The following SLC28A2 variants were observed in gnomAD, a reference collection of about 807,000 sequenced individuals.
SLC28A2 encodes sodium/nucleoside cotransporter 2.
SLC28A2 carries 69 observed loss-of-function variants against 72.9 expected under a neutral mutation model. That is an observed-to-expected ratio of 0.95 (90% CI 0.78 to 1.16). SLC28A2 has a LOEUF of 1.16. Among genes scored for constraint, SLC28A2 ranks in the 50% most tolerant of loss-of-function variants. The pLI is 0.00. For missense variants in SLC28A2, 745 were observed against 791.1 expected (o/e 0.94, Z 0.70); for synonymous variants, 296 against 294.1 (o/e 1.01, Z -0.07).
chr15:45,254,662 A>G (rs1264160382), intron 3 of SLC28A2, among the ~76,000 whole-genome samples: 1 of 152,230 alleles, frequency 6.6e-6, no homozygotes, highest in African/African-American at 2.4e-5. Context: ...ACATGACTAT[A>G]TATGGAGATG....
Position 45,265,682 on chromosome 15 carries a change from C to T in SLC28A2, c.861+19C>T. 4 of 1,540,782 alleles carry T rather than the reference C, an allele frequency of 2.6e-6. No individual in the cohort carries two copies. The highest frequency in any genetic ancestry group is 3.6e-6 in the Non-Finnish European group (4 of 1,113,158). On this transcript the variant is annotated intron_variant, in intron 9 of 17. Transcript: ENST00000347644. ...TCAGAAGGTGAGTCGTTCTCTTACA[C>T]CAGTCAGGAGACAGGCCTTCATCCT...
At position 45,267,499 on chromosome 15, in the gene SLC28A2, A is replaced by T. The variant is rs1028592318; in HGVS notation, c.987A>T (p.Thr329=). 1 of 1,613,884 alleles carries T rather than the reference A, an allele frequency of 6.2e-7. No homozygotes were observed. Among genetic ancestry groups the T allele is most frequent in the African/African-American group, 1.3e-5 (1 of 74,934 alleles). The part of the protein sequence containing the change: ...LLIRPYLGDM[T]LSEIHAVMTG... ...TCCGTCCCTACCTTGGGGACATGAC[A>T]CTCTCTGAAATCCATGCGGTGATGA... The change falls in exon 11 of 18, where the codon ACA becomes ACT. Residue 329 remains threonine (T), a synonymous_variant. Coordinates refer to ENST00000347644, the MANE Select transcript of SLC28A2 (RefSeq NM_004212.4).
At chr15:45,264,351 G>T (rs897588267) in intron 6 of SLC28A2, among the ~76,000 whole-genome samples, 1 of 152,218 alleles carries the variant, frequency 6.6e-6, no homozygotes, top group Non-Finnish European at 1.5e-5. Context: ...TCAACACGCA[G>T]TGCAGATAGT....
At chr15:45,274,200 T>C (rs946350039) in intron 17 of SLC28A2, among the ~76,000 whole-genome samples, 4 of 152,032 alleles carry the variant, frequency 2.6e-5, no homozygotes, top group African/African-American at 7.2e-5. Context: ...GAGCTGGAGA[T>C]AGATTTAAAA....
intron 17 of SLC28A2, among the ~76,000 whole-genome samples, chr15:45,274,196 G>C (rs916845625): frequency 6.6e-6 from 1 of 152,068 alleles, no homozygotes; most frequent in Non-Finnish European, 1.5e-5. Context: ...ATCAGAGCTG[G>C]AGATAGATTT....
At chr15:45,272,933 T>A in intron 17 of SLC28A2, 149 bp downstream of exon 17, 3 of 578,994 alleles carry the variant, frequency 5.2e-6, no homozygotes, top group Non-Finnish European at 6.2e-6. Flanking sequence ...TGCATCTTCA[T>A]TATTAGCTTA....
In SLC28A2 at chr15:45,263,949, A is replaced by G; in HGVS notation, c.515A>G (p.Glu172Gly). ...WLALDTAQRPEQLIPFAGICM... is the reference protein window; with the variant it reads ...WLALDTAQRPGQLIPFAGICM... ...GCTTTAGACACAGCCCAAAGGCCAG[A>G]GCAGCTGATCCCCTTTGCAGGAATC... is the stretch of plus-strand genomic sequence containing the variant. Residue 172 changes from glutamate (E) to glycine (G), a missense_variant, in exon 6 of 18, where the codon GAG becomes GGG. Glu to Gly is a moderately conservative substitution (Grantham distance 98, BLOSUM62 -2). Coordinates refer to ENST00000347644, the MANE Select transcript of SLC28A2 (RefSeq NM_004212.4). 1 of 1,613,824 alleles carries G rather than the reference A, an allele frequency of 6.2e-7. No homozygotes were observed.
rs758500813 is a variant in SLC28A2, at chr15:45,253,191, G to T, written c.-16-9G>T. On this transcript the variant is annotated splice_polypyrimidine_tract_variant and intron_variant, in intron 1 of 17. Transcript: ENST00000347644. ...ATCTTTCAGGCTTGGCCCTGAATTT[G>T]TTTTTCAGTTGAGGAGAACAGGAGA... The T allele has an allele frequency of 4.4e-6, 7 of 1,583,252 alleles. No homozygotes were observed. In the Admixed American group the frequency reaches 1.0e-4, roughly 23 times the overall value.
chr15:45,262,133 G>A, intron 4 of SLC28A2, 27 bp downstream of exon 4: 2 of 1,488,200 alleles, frequency 1.3e-6, no homozygotes, highest in Non-Finnish European at 1.9e-6. Context: ...TCATGAAAGT[G>A]AGAAACACAG....
At chr15:45,272,544 C>T in intron 16 of SLC28A2, 129 bp from the exon 17 acceptor site, 1 of 810,784 alleles carries the variant, frequency 1.2e-6, no homozygotes. Context: ...ATTGATTTAC[C>T]CATGCATTCC....
chr15:45,263,124 T>C lies in SLC28A2; in HGVS notation c.326T>C (p.Val109Ala). 3 of 1,614,030 alleles carry C rather than the reference T, an allele frequency of 1.9e-6. No individual in the cohort carries two copies. The highest frequency in any genetic ancestry group is 2.5e-6 in the Non-Finnish European group (3 of 1,179,888). Reference protein sequence around the residue: ...LNFQRALALFVITCLVIFVLV... With the variant: ...LNFQRALALFAITCLVIFVLV... ...TTCCAGAGGGCACTGGCCTTGTTTGTCATCACCTGCTTGGTGATCTTTGTC... is the reference window on the plus strand; with the variant it reads ...TTCCAGAGGGCACTGGCCTTGTTTGCCATCACCTGCTTGGTGATCTTTGTC... The change falls in exon 5 of 18, where the codon GTC becomes GCC. Residue 109 changes from valine to alanine, a missense_variant. By Grantham distance (64) the Val-to-Ala change is moderately conservative. Coordinates refer to ENST00000347644, the MANE Select transcript of SLC28A2 (RefSeq NM_004212.4).
At chr15:45,252,305 AG>A (rs1453187010) in intron 1 of SLC28A2, 27 bp downstream of exon 1, 2 of 455,846 alleles carry the variant, frequency 4.4e-6, no homozygotes, top group Non-Finnish European at 8.8e-6. Flanking sequence ...GGGGGAGGGC[AG>A]GTGCCTAATT....
chr15:45,260,604 A>G (rs1039947519), intron 3 of SLC28A2, among the ~76,000 whole-genome samples: 1 of 152,124 alleles, frequency 6.6e-6, no homozygotes, highest in African/African-American at 2.4e-5. Context: ...AAAAATTTAA[A>G]AAAGAAAATT....
chr15:45,265,529 A>T, intron 8 of SLC28A2, 54 bp from the exon 9 acceptor site: 1 of 1,279,400 alleles, frequency 7.8e-7, no homozygotes, highest in East Asian at 2.3e-5. Context: ...TAGAAGCCTA[A>T]AACACAGAGT....
At chr15:45,255,279 G>A (rs1202958038) in intron 3 of SLC28A2, 1 of 150,766 alleles carries the variant, frequency 6.6e-6, no homozygotes, top group Non-Finnish European at 1.5e-5. Flanking sequence ...AGAAAGAACC[G>A]GCTGTCCACA....
chr15:45,253,651 T>C, intron 3 of SLC28A2, 131 bp downstream of exon 3: 2 of 571,820 alleles, frequency 3.5e-6, no homozygotes, highest in South Asian at 5.0e-5. Context: ...CTTACATAAT[T>C]AATTAACTTA....
chr15:45,277,277 C>T lies in SLC28A2; in HGVS notation c.*1764C>T, dbSNP rs1439645064. On this transcript the variant is annotated 3_prime_UTR_variant, in exon 18 of 18. Coordinates refer to ENST00000347644, the MANE Select transcript of SLC28A2 (RefSeq NM_004212.4). ...AGGGTTTCAAAAGGATACAGGAGTT[C>T]CTCAAAAAGTTAAACACAGAATTAC... The T allele has an allele frequency of 1.3e-5, 2 of 151,084 alleles. No homozygotes were observed. The highest frequency in any genetic ancestry group is 4.9e-5 in the African/African-American group (2 of 41,166). 9.4% of individuals were successfully genotyped at this position (151,084 alleles called of 1,614,324 possible).
At chr15:45,271,577 AAAGGAAGGAAGG>A (rs145309707) in intron 15 of SLC28A2, among the ~76,000 whole-genome samples, 15 of 130,354 alleles carry the variant, frequency 1.2e-4, no homozygotes, top group South Asian at 5.4e-4. Context: ...AAAAAGAAGA[AAAGGAAGGAAGG>A]AAGGAAGGAA....
At chr15:45,264,988 G>C in intron 7 of SLC28A2, 101 bp from the exon 8 acceptor site, 1 of 948,470 alleles carries the variant, frequency 1.1e-6, no homozygotes, top group Non-Finnish European at 1.7e-6. Context: ...AACCTCAGTA[G>C]CAACAGTAGG....
Sources: allele counts gnomAD v4.1 joint callset (sites outside exome capture counted in the v4.1 genomes callset), GRCh38; gene constraint gnomAD v4.1.1; transcripts MANE v1.5; gene names NCBI Gene and HGNC (gene_info 2026-07-23, HGNC 2026-07-21).